ACER3: variants seen among roughly 807,000 people sequenced by gnomAD.
The protein encoded by ACER3 is alkCDase 3.
ACER3 carries 16 observed loss-of-function variants against 48.9 expected under a neutral mutation model. That is an observed-to-expected ratio of 0.33 (90% CI 0.22 to 0.50). ACER3 has a LOEUF of 0.50. Ranked by LOEUF, ACER3 falls within the 20% of genes least tolerant of loss-of-function variation. The pLI, the probability that ACER3 is intolerant of heterozygous loss-of-function variation, is 0.98. For missense variants in ACER3, 227 were observed against 326.0 expected (o/e 0.70, Z 2.34); for synonymous variants, 109 against 107.8 (o/e 1.01, Z -0.07).
intron 1 of ACER3, among the ~76,000 whole-genome samples, chr11:76,866,399 A>G (rs1482726468): frequency 6.6e-6 from 1 of 152,344 alleles, no homozygotes; most frequent in African/African-American, 2.4e-5. Context: ...AACTGGTACC[A>G]GGTTCACTGT....
chr11:76,966,070 T>C lies in ACER3; in HGVS notation c.267+7039T>C, dbSNP rs28888686. On this transcript the variant is annotated intron_variant, in intron 3 of 10. Coordinates refer to ENST00000532485, the MANE Select transcript of ACER3 (RefSeq NM_018367.7). ...TGCTGTATTCAGGAGATCCATCTCATGTGCAGAGACACACATAGGCTCAAA... is the reference window on the plus strand; with the variant it reads ...TGCTGTATTCAGGAGATCCATCTCACGTGCAGAGACACACATAGGCTCAAA... 5.9e-3 allele frequency among the ~76,000 whole-genome samples: 837 copies of C among 141,658 alleles called. 2 individuals carry two copies. The highest frequency in any genetic ancestry group is 0.011 in the African/African-American group (404 of 38,152). 92.9% of individuals were successfully genotyped at this position (141,658 alleles called of 152,430 possible). A position where few individuals can be genotyped will look rare whatever the true frequency, so the allele number is the denominator to read the frequency against.
chr11:76,948,077 A>T (rs1947521783), intron 2 of ACER3, among the ~76,000 whole-genome samples: 1 of 152,226 alleles, frequency 6.6e-6, no homozygotes, highest in African/African-American at 2.4e-5. Flanking sequence ...ATAGGGTTTT[A>T]GGCTGGAGCT....
chr11:77,004,846 A>G lies in ACER3; in HGVS notation c.497+6025A>G, dbSNP rs1456919672. Among the ~76,000 whole-genome samples, 22 of 152,236 alleles carry G rather than the reference A, an allele frequency of 1.4e-4. 1 individual carries two copies. Among genetic ancestry groups the G allele is most frequent in the Admixed American group, 1.1e-3 (17 of 15,284 alleles). On this transcript the variant is annotated intron_variant, in intron 7 of 10. Transcript: ENST00000532485. ...ATTTCCTTTAGACATTATATAGTTGAATCAGTTTGAGTCATGTTTTTAATC... is the reference window on the plus strand; with the variant it reads ...ATTTCCTTTAGACATTATATAGTTGGATCAGTTTGAGTCATGTTTTTAATC...
At chr11:76,939,545 A>G (rs1947284514) in intron 2 of ACER3, among the ~76,000 whole-genome samples, 1 of 152,156 alleles carries the variant, frequency 6.6e-6, no homozygotes. Context: ...GCAGTGAGCC[A>G]GGATTGTGCT....
intron 1 of ACER3, among the ~76,000 whole-genome samples, chr11:76,894,967 A>C (rs1945893260): frequency 6.6e-6 from 1 of 152,190 alleles, no homozygotes; most frequent in South Asian, 2.1e-4. Flanking sequence ...CAAGGCAGAA[A>C]TTCCCAATGA....
intron 3 of ACER3, among the ~76,000 whole-genome samples, chr11:76,959,817 A>T (rs1193907369): frequency 2.0e-5 from 3 of 151,898 alleles, no homozygotes; most frequent in Non-Finnish European, 4.4e-5. Context: ...GCCTCCCAAA[A>T]TGCTGAGATT....
chr11:76,972,996 C>T (rs1948346987), intron 3 of ACER3, among the ~76,000 whole-genome samples: 1 of 152,242 alleles, frequency 6.6e-6, no homozygotes, highest in Admixed American at 6.5e-5. Context: ...GACTTCTGGG[C>T]TTCCAGTGCA....
chr11:76,984,930 C>A (rs763393305), intron 4 of ACER3, among the ~76,000 whole-genome samples: 36 of 152,128 alleles, frequency 2.4e-4, no homozygotes, highest in Non-Finnish European at 4.3e-4. Context: ...GGAAGTACAG[C>A]CCCACCTTAC....
At chr11:76,902,913 C>T (rs1174032140) in intron 1 of ACER3, among the ~76,000 whole-genome samples, 2 of 152,182 alleles carry the variant, frequency 1.3e-5, no homozygotes, top group Non-Finnish European at 2.9e-5. Context: ...TCATTTAATA[C>T]TACATCTTTA....
chr11:77,013,474 A>G (rs994098236), intron 7 of ACER3, among the ~76,000 whole-genome samples: 1 of 152,222 alleles, frequency 6.6e-6, no homozygotes, highest in Non-Finnish European at 1.5e-5. Context: ...TACGTGAAAG[A>G]TGCTCAAAAA....
intron 4 of ACER3, among the ~76,000 whole-genome samples, chr11:76,984,049 A>G (rs956989608): frequency 7.2e-5 from 11 of 152,124 alleles, no homozygotes; most frequent in Admixed American, 6.5e-4. Context: ...CGGCCTCCCA[A>G]AGTGCTGGGA....
chr11:76,908,804 T>C (rs1946298694), intron 1 of ACER3, among the ~76,000 whole-genome samples: 1 of 152,066 alleles, frequency 6.6e-6, no homozygotes. Flanking sequence ...AAAGAGCCCA[T>C]ATAGCCAAGA....
At chr11:76,919,060 G>A (rs1946615198) in intron 1 of ACER3, among the ~76,000 whole-genome samples, 1 of 152,150 alleles carries the variant, frequency 6.6e-6, no homozygotes, top group African/African-American at 2.4e-5. Context: ...TTGCTGACTG[G>A]GCAGGACGGC....
At chr11:76,973,471 G>A (rs964479124) in intron 3 of ACER3, among the ~76,000 whole-genome samples, 1 of 152,064 alleles carries the variant, frequency 6.6e-6, no homozygotes, top group South Asian at 2.1e-4. Flanking sequence ...TCATGATCTT[G>A]GTCCTCAAAG....
intron 1 of ACER3, among the ~76,000 whole-genome samples, chr11:76,914,610 A>T (rs1377516592): frequency 6.6e-6 from 1 of 152,220 alleles, no homozygotes; most frequent in Non-Finnish European, 1.5e-5. Context: ...AGTGTAAACT[A>T]GTTCAACCAT....
In ACER3 at chr11:76,965,833, G is replaced by A. The variant is rs910237032; in HGVS notation, c.267+6802G>A. ...GCACTAAACATGGAAAGGAACAACCGGTACCAGCCACTGCAAAAACATGCC... is the reference window on the plus strand; with the variant it reads ...GCACTAAACATGGAAAGGAACAACCAGTACCAGCCACTGCAAAAACATGCC... On this transcript the variant is annotated intron_variant, in intron 3 of 10. Transcript: ENST00000532485. Among the ~76,000 whole-genome samples the A allele has an allele frequency of 6.7e-4, 102 of 151,268 alleles. 4 individuals carry two copies. The highest frequency in any genetic ancestry group is 6.8e-3 in the Middle Eastern group (2 of 294).
chr11:76,928,573 T>C (rs372730532), intron 2 of ACER3, among the ~76,000 whole-genome samples: 26 of 152,242 alleles, frequency 1.7e-4, no homozygotes, highest in African/African-American at 5.8e-4. Flanking sequence ...AGGTTTTCTT[T>C]TAGGGTTTTT....
intron 3 of ACER3, among the ~76,000 whole-genome samples, chr11:76,967,970 G>C (rs2135104962): frequency 6.6e-6 from 1 of 152,118 alleles, no homozygotes; most frequent in East Asian, 1.9e-4. Context: ...GGAAATAAAG[G>C]GCATTCAATT....
At chr11:76,872,324 C>T (rs1344075667) in intron 1 of ACER3, among the ~76,000 whole-genome samples, 1 of 152,160 alleles carries the variant, frequency 6.6e-6, no homozygotes, top group African/African-American at 2.4e-5. Flanking sequence ...GATCTGCCTG[C>T]CTTGGGCTCT....
Sources: allele counts gnomAD v4.1 joint callset (sites outside exome capture counted in the v4.1 genomes callset), GRCh38; gene constraint gnomAD v4.1.1; transcripts MANE v1.5; gene names NCBI Gene and HGNC (gene_info 2026-07-23, HGNC 2026-07-21).